RABGAP1: variants seen among roughly 807,000 people sequenced by gnomAD.
The protein encoded by RABGAP1 is RAB GTPase activating protein 1.
In RABGAP1, 23 loss-of-function variants were observed where a neutral mutation model predicts 137.6. The ratio of observed to expected loss-of-function variants is 0.17; its 90% CI spans 0.12 to 0.24. RABGAP1 has a LOEUF of 0.24. Among genes scored for constraint, RABGAP1 ranks in the 10% least tolerant of loss-of-function variants. The pLI is 1.00. For missense variants in RABGAP1, 906 were observed against 1,275.8 expected (o/e 0.71, Z 4.42); for synonymous variants, 451 against 450.7 (o/e 1.00, Z -0.01).
At chr9:122,973,780 CG>C (rs1835604272) in intron 2 of RABGAP1, among the ~76,000 whole-genome samples, 2 of 151,742 alleles carry the variant, frequency 1.3e-5, no homozygotes, top group African/African-American at 2.4e-5. Context: ...GAGGCCGAGG[CG>C]GGCAGATCAC....
intron 13 of RABGAP1, among the ~76,000 whole-genome samples, chr9:123,037,522 A>G (rs965483468): frequency 6.6e-6 from 1 of 152,192 alleles, no homozygotes; most frequent in Admixed American, 6.5e-5. Context: ...ATTCTGAAAA[A>G]TGGTTGTATT....
intron 10 of RABGAP1, among the ~76,000 whole-genome samples, chr9:123,007,977 A>G: frequency 6.7e-6 from 1 of 150,062 alleles, no homozygotes; most frequent in South Asian, 2.1e-4. Flanking sequence ...AATTATATGT[A>G]TAATTTAATA....
At chr9:122,970,630 T>G (rs1374042234) in intron 2 of RABGAP1, among the ~76,000 whole-genome samples, 1 of 152,162 alleles carries the variant, frequency 6.6e-6, no homozygotes, top group Non-Finnish European at 1.5e-5. Context: ...TACCCTCTGT[T>G]GCAGTCCTCA....
At chr9:123,022,980 A>G (rs1245539157) in intron 13 of RABGAP1, among the ~76,000 whole-genome samples, 8 of 152,118 alleles carry the variant, frequency 5.3e-5, no homozygotes. Flanking sequence ...CAAAGTTTGC[A>G]TATAAGTTAC....
chr9:123,074,178 C>A, intron 16 of RABGAP1, 107 bp from the exon 17 acceptor site: 1 of 1,346,708 alleles, frequency 7.4e-7, no homozygotes, highest in Non-Finnish European at 1.0e-6. Flanking sequence ...TTTAGAAAAA[C>A]ACAAGTATTT....
Position 122,992,617 on chromosome 9 carries a change from T to G in RABGAP1, c.923+2404T>G, listed in dbSNP as rs568563720. 7.6e-4 allele frequency among the ~76,000 whole-genome samples: 115 copies of G among 150,990 alleles called. 2 individuals carry two copies. The highest frequency in any genetic ancestry group is 1.2e-3 in the Non-Finnish European group (80 of 67,764). On this transcript the variant is annotated intron_variant, in intron 6 of 25. Transcript: ENST00000373647. Reference sequence around the variant, plus strand: ...GCTTTGCTGAATTTCTGGTTTATAATAAATACTGTTATGTTAACTTAAATA... The same window carrying G: ...GCTTTGCTGAATTTCTGGTTTATAAGAAATACTGTTATGTTAACTTAAATA...
At chr9:123,022,116 A>T (rs1436428523) in intron 13 of RABGAP1, among the ~76,000 whole-genome samples, 5 of 152,320 alleles carry the variant, frequency 3.3e-5, no homozygotes, top group Middle Eastern at 6.8e-3. Flanking sequence ...GATTTGTAAC[A>T]CTACTTATTT....
intron 13 of RABGAP1, among the ~76,000 whole-genome samples, chr9:123,056,710 T>C (rs1049152242): frequency 6.6e-5 from 10 of 152,074 alleles, no homozygotes; most frequent in African/African-American, 2.4e-4. Flanking sequence ...TTCAAGCATC[T>C]GTTTAACAAA....
chr9:122,967,512 G>A (rs535806901), intron 2 of RABGAP1, among the ~76,000 whole-genome samples: 38 of 152,154 alleles, frequency 2.5e-4, no homozygotes, highest in South Asian at 6.2e-4. Flanking sequence ...AGAACAGTTA[G>A]CCTAGGAACA....
intron 13 of RABGAP1, among the ~76,000 whole-genome samples, chr9:123,028,309 G>A (rs1216854261): frequency 1.3e-5 from 2 of 152,188 alleles, no homozygotes; most frequent in Non-Finnish European, 1.5e-5. Context: ...TCATGGATAT[G>A]CCCATAAATA....
intron 13 of RABGAP1, among the ~76,000 whole-genome samples, chr9:123,057,414 G>T (rs1292566105): frequency 6.6e-6 from 1 of 151,614 alleles, no homozygotes; most frequent in East Asian, 1.9e-4. Flanking sequence ...CATCCCAGAC[G>T]GGGCGGCAGG....
intron 1 of RABGAP1, among the ~76,000 whole-genome samples, chr9:122,947,598 T>A (rs1004934263): frequency 9.2e-5 from 14 of 152,242 alleles, no homozygotes; most frequent in African/African-American, 3.4e-4. Context: ...TTAGTTAATG[T>A]AGAATTGAAC....
intron 10 of RABGAP1, among the ~76,000 whole-genome samples, chr9:122,999,016 A>G (rs138930529): frequency 6.6e-6 from 1 of 152,266 alleles, no homozygotes; most frequent in African/African-American, 2.4e-5. Context: ...TTAAGTATAG[A>G]TCTGCTAAAG....
chr9:123,010,505 C>T lies in RABGAP1; in HGVS notation c.1526C>T (p.Pro509Leu). 1 of 1,613,540 alleles carries T rather than the reference C, an allele frequency of 6.2e-7. No individual in the cohort carries two copies. The highest frequency in any genetic ancestry group is 1.1e-5 in the South Asian group (1 of 90,998). ...SGSQSSVIPS[P>L]PEDDEEEDND... Reference sequence around the variant, plus strand: ...TCGCAAAGTTCAGTGATACCTTCTCCTCCAGAAGATGATGAAGAGGAAGGT... The same window carrying T: ...TCGCAAAGTTCAGTGATACCTTCTCTTCCAGAAGATGATGAAGAGGAAGGT... The change falls in exon 11 of 26, where the codon CCT becomes CTT. Residue 509 changes from proline (P) to leucine (L), a missense_variant. Pro to Leu is a moderately conservative substitution (Grantham distance 98). Transcript: ENST00000373647.
intron 13 of RABGAP1, among the ~76,000 whole-genome samples, chr9:123,050,808 A>G (rs952337811): frequency 1.3e-5 from 2 of 152,230 alleles, no homozygotes; most frequent in African/African-American, 4.8e-5. Flanking sequence ...CCGAAGCAAA[A>G]ATGAACATTG....
At chr9:122,939,464 A>G (rs1833453020), upstream of RABGAP1, 1 of 145,286 alleles carries the variant, frequency 6.9e-6, no homozygotes, top group South Asian at 2.1e-4. Flanking sequence ...GAGCCACCAC[A>G]CCTGGCCTTT....
intron 6 of RABGAP1, chr9:122,990,489 G>T (rs956041705): frequency 9.5e-6 from 2 of 210,228 alleles, no homozygotes; most frequent in South Asian, 6.7e-5. Flanking sequence ...TGGCCAAACC[G>T]CCAGGCGCTG....
Position 122,996,163 on chromosome 9 carries a change from T to C in RABGAP1, c.1034+12T>C. ...CTTGCCATTGAAAGGTAAGCATTTT[T>C]AGTAAGTTTAGCTTAAATATAAATT... is the stretch of plus-strand genomic sequence containing the variant. On this transcript the variant is annotated intron_variant, in intron 7 of 25. Coordinates refer to ENST00000373647, the MANE Select transcript of RABGAP1 (RefSeq NM_012197.4). The C allele has an allele frequency of 5.0e-6, 8 of 1,603,278 alleles. No individual in the cohort carries two copies. Among genetic ancestry groups the C allele is most frequent in the Non-Finnish European group, 6.8e-6 (8 of 1,177,036 alleles).
chr9:123,020,768 G>C (rs2031577939), intron 13 of RABGAP1: 1 of 372,620 alleles, frequency 2.7e-6, no homozygotes, highest in South Asian at 1.1e-4. Flanking sequence ...ATTTTCTTTT[G>C]ATTATTTTAA....
Sources: allele counts gnomAD v4.1 joint callset (sites outside exome capture counted in the v4.1 genomes callset), GRCh38; gene constraint gnomAD v4.1.1; transcripts MANE v1.5; gene names NCBI Gene and HGNC (gene_info 2026-07-23, HGNC 2026-07-21).